NHSL1: variants seen among roughly 807,000 people sequenced by gnomAD.
NHSL1 encodes the protein NHS like 1.
Under a neutral mutation model 95.0 loss-of-function variants are expected in NHSL1, and 48 were observed. The observed-to-expected ratio is 0.51, with a 90% CI of 0.40 to 0.64. The LOEUF is 0.64. Ranked by LOEUF, NHSL1 falls within the 30% of genes least tolerant of loss-of-function variation. The probability of loss-of-function intolerance (pLI) is 0.00; values close to 1 mark genes in which losing one functional copy is unlikely to be tolerated. For missense variants in NHSL1, 1,971 were observed against 2,077.7 expected, an observed-to-expected ratio of 0.95 and a Z score of 1.00; for synonymous variants, 783 against 833.9, an observed-to-expected ratio of 0.94 and a Z score of 1.05.
At chr6:138,608,566 T>A (rs1372813900) in intron 1 of NHSL1, among the ~76,000 whole-genome samples, 1 of 152,226 alleles carries the variant, frequency 6.6e-6, no homozygotes, top group African/African-American at 2.4e-5. Context: ...AAATCCTTTC[T>A]TGAGCCTATT....
chr6:138,462,572 CCAAA>C (rs138809368), intron 3 of NHSL1, among the ~76,000 whole-genome samples: 1,796 of 152,294 alleles, frequency 0.012, 13 homozygotes, highest in South Asian at 0.045. Context: ...CCATCCATAT[CCAAA>C]CCACAGCAGG....
At chr6:138,620,676 AG>A (rs1357565752) in intron 1 of NHSL1, among the ~76,000 whole-genome samples, 1 of 144,632 alleles carries the variant, frequency 6.9e-6, no homozygotes, top group Non-Finnish European at 1.5e-5. Context: ...ATCTAACTTT[AG>A]AACAAATACA....
intron 1 of NHSL1, among the ~76,000 whole-genome samples, chr6:138,579,342 A>C (rs4348334): frequency 0.26 from 39,059 of 152,206 alleles, 8,255 homozygotes; most frequent in African/African-American, 0.59. Context: ...GATCTTAACA[A>C]GTTTCAGCGT....
At chr6:138,611,281 A>T (rs1426448818) in intron 1 of NHSL1, among the ~76,000 whole-genome samples, 1 of 152,208 alleles carries the variant, frequency 6.6e-6, no homozygotes, top group Admixed American at 6.5e-5. Flanking sequence ...GCCTCACTAA[A>T]GGAGAAAGAC....
rs114186486 is a variant in NHSL1, at chr6:138,523,452, A to G, written c.16+22171T>C. Among the ~76,000 whole-genome samples the G allele has an allele frequency of 4.5e-3, 680 of 151,924 alleles. 8 individuals are homozygous for G. The highest frequency in any genetic ancestry group is 0.016 in the African/African-American group (643 of 41,448). On this transcript the variant is annotated intron_variant, in intron 1 of 4. Transcript: ENST00000342260. ...AGCCTTCCAAGTAGCTGGGACTACAAGTGCGAGCCACCACCCAGCTAACTG... is the reference window on the plus strand; with the variant it reads ...AGCCTTCCAAGTAGCTGGGACTACAGGTGCGAGCCACCACCCAGCTAACTG...
chr6:138,628,783 C>T (rs1380726621), intron 1 of NHSL1, among the ~76,000 whole-genome samples: 2 of 152,112 alleles, frequency 1.3e-5, no homozygotes, highest in South Asian at 2.1e-4. Flanking sequence ...ATTTCTTTTC[C>T]GCAGTAACCA....
chr6:138,590,428 T>C (rs1386533567), intron 1 of NHSL1, among the ~76,000 whole-genome samples: 2 of 152,146 alleles, frequency 1.3e-5, no homozygotes, highest in Admixed American at 1.3e-4. Context: ...AAGCCCCTCC[T>C]TTCTCCCTTT....
intron 3 of NHSL1, among the ~76,000 whole-genome samples, chr6:138,472,279 G>A (rs1778804959): frequency 6.6e-6 from 1 of 151,990 alleles, no homozygotes. Context: ...GCTTTTTGAG[G>A]CAGGGTCTTG....
upstream of NHSL1, among the ~76,000 whole-genome samples, chr6:138,574,677 A>G (rs1403161588): frequency 2.1e-5 from 3 of 144,224 alleles, no homozygotes; most frequent in African/African-American, 2.7e-5. Context: ...TAATGCAAAA[A>G]AAAAAAAAAA....
chr6:138,506,499 T>C (rs920969962), intron 1 of NHSL1, among the ~76,000 whole-genome samples: 8 of 152,170 alleles, frequency 5.3e-5, no homozygotes, highest in African/African-American at 1.9e-4. Flanking sequence ...GATGTCCAAA[T>C]AAAGTTGAAT....
intron 1 of NHSL1, among the ~76,000 whole-genome samples, chr6:138,624,062 T>A (rs961838197): frequency 6.6e-6 from 1 of 152,148 alleles, no homozygotes; most frequent in African/African-American, 2.4e-5. Flanking sequence ...ATAAATTACC[T>A]AGTCTCGGGT....
chr6:138,493,655 C>G (rs1780197395), intron 2 of NHSL1, among the ~76,000 whole-genome samples: 1 of 152,248 alleles, frequency 6.6e-6, no homozygotes, highest in Non-Finnish European at 1.5e-5. Context: ...TAATGAGGCA[C>G]TGCCTCGGGG....
At chr6:138,621,272 C>T (rs78911068) in intron 1 of NHSL1, among the ~76,000 whole-genome samples, 4,014 of 152,228 alleles carry the variant, frequency 0.026, 77 homozygotes, top group Non-Finnish European at 0.04. Context: ...TCATTATCAT[C>T]CAATTTAGTT....
chr6:138,574,579 C>A (rs1346532594), upstream of NHSL1, among the ~76,000 whole-genome samples: 1 of 150,874 alleles, frequency 6.6e-6, no homozygotes, highest in Non-Finnish European at 1.5e-5. Context: ...GTAATCCCAG[C>A]ACTTTGGGAG....
chr6:138,450,597 AC>A (rs1366976544), intron 3 of NHSL1, among the ~76,000 whole-genome samples: 1 of 152,174 alleles, frequency 6.6e-6, no homozygotes, highest in Non-Finnish European at 1.5e-5. Flanking sequence ...AGAATCGATA[AC>A]TCTCATAATG....
At chr6:138,591,038 C>A (rs749253971) in intron 1 of NHSL1, among the ~76,000 whole-genome samples, 5 of 152,096 alleles carry the variant, frequency 3.3e-5, no homozygotes, top group Non-Finnish European at 7.3e-5. Context: ...CTCTGGGAAT[C>A]GCCTCCTCTC....
chr6:138,587,441 G>A (rs570188448), intron 1 of NHSL1, among the ~76,000 whole-genome samples: 26 of 150,340 alleles, frequency 1.7e-4, no homozygotes, highest in African/African-American at 6.1e-4. Context: ...AAATTAGCCA[G>A]GTATGATGGT....
At chr6:138,437,445 C>CACACAAAA (rs1434317225) in intron 5 of NHSL1, among the ~76,000 whole-genome samples, 2 of 61,802 alleles carry the variant, frequency 3.2e-5, no homozygotes, top group African/African-American at 1.3e-4. Flanking sequence ...CACACACACA[C>CACACAAAA]AAAAAAAAAA....
upstream of NHSL1, among the ~76,000 whole-genome samples, chr6:138,546,499 C>T (rs1366488306): frequency 1.4e-5 from 2 of 141,956 alleles, no homozygotes; most frequent in African/African-American, 5.2e-5. Flanking sequence ...GTCCCAGCTA[C>T]TTGGGAGGCT....
Sources: allele counts gnomAD v4.1 joint callset (sites outside exome capture counted in the v4.1 genomes callset), GRCh38; gene constraint gnomAD v4.1.1; transcripts MANE v1.5; gene names NCBI Gene and HGNC (gene_info 2026-07-23, HGNC 2026-07-21).